CSMD1: variants seen among roughly 807,000 people sequenced by gnomAD.
CSMD1 encodes the protein CUB and Sushi multiple domains 1, also known as CUB and sushi domain-containing protein 1.
Under a neutral mutation model 417.5 loss-of-function variants are expected in CSMD1, and 213 were observed. That is an observed-to-expected ratio of 0.51 (90% CI 0.46 to 0.57). The LOEUF is 0.57. Among genes scored for constraint, CSMD1 ranks in the 20% least tolerant of loss-of-function variants. The pLI is 0.00. For synonymous variants in CSMD1, 2,862 were observed against 1,736.8 expected (o/e 1.65, Z -16.11); for missense variants, 6,923 against 4,529.7 (o/e 1.53, Z -15.17).
chr8:3,058,491 G>A (rs919800446), intron 49 of CSMD1, among the ~76,000 whole-genome samples: 1 of 152,066 alleles, frequency 6.6e-6, no homozygotes, highest in African/African-American at 2.4e-5. Flanking sequence ...CCTTTTTGGT[G>A]CTAATTGCTG....
At chr8:4,006,785 T>C (rs1159839439) in intron 4 of CSMD1, among the ~76,000 whole-genome samples, 2 of 151,786 alleles carry the variant, frequency 1.3e-5, no homozygotes, top group African/African-American at 4.8e-5. Flanking sequence ...TCACCATTCA[T>C]ATTTCTTTTG....
chr8:4,212,310 A>C (rs1800362279), intron 3 of CSMD1, among the ~76,000 whole-genome samples: 1 of 151,936 alleles, frequency 6.6e-6, no homozygotes, highest in African/African-American at 2.4e-5. Context: ...GATACCTACC[A>C]CCCAAATATG....
chr8:3,947,613 A>G (rs1244612557), intron 5 of CSMD1, among the ~76,000 whole-genome samples: 1 of 151,860 alleles, frequency 6.6e-6, no homozygotes, highest in Non-Finnish European at 1.5e-5. Flanking sequence ...TTAGTTTCCA[A>G]ATACGAGGAG....
At chr8:4,758,761 G>C (rs1311763636) in intron 1 of CSMD1, among the ~76,000 whole-genome samples, 1 of 152,114 alleles carries the variant, frequency 6.6e-6, no homozygotes, top group Non-Finnish European at 1.5e-5. Flanking sequence ...ACCAGATCTG[G>C]TGAGAAGTCC....
intron 62 of CSMD1, among the ~76,000 whole-genome samples, chr8:2,958,012 ATCT>A (rs1803143801): frequency 6.6e-6 from 1 of 152,228 alleles, no homozygotes; most frequent in South Asian, 2.1e-4. Context: ...ATAATGTAAG[ATCT>A]TCTCGAATTT....
At chr8:3,982,503 C>T (rs918118219) in intron 5 of CSMD1, among the ~76,000 whole-genome samples, 1 of 151,902 alleles carries the variant, frequency 6.6e-6, no homozygotes, top group African/African-American at 2.4e-5. Flanking sequence ...AAAAATAACG[C>T]ATCATAAATT....
At chr8:4,403,402 T>C (rs1409463424) in intron 3 of CSMD1, among the ~76,000 whole-genome samples, 1 of 152,166 alleles carries the variant, frequency 6.6e-6, no homozygotes, top group Non-Finnish European at 1.5e-5. Context: ...AATTCTCTTT[T>C]GAACCACAGA....
intron 6 of CSMD1, among the ~76,000 whole-genome samples, chr8:3,710,535 T>A (rs1326745195): frequency 6.6e-6 from 1 of 152,150 alleles, no homozygotes; most frequent in Non-Finnish European, 1.5e-5. Flanking sequence ...GGTGGACAAT[T>A]GCCCTTTGGG....
At chr8:4,060,650 G>C (rs1278053429) in intron 3 of CSMD1, among the ~76,000 whole-genome samples, 2 of 152,136 alleles carry the variant, frequency 1.3e-5, no homozygotes, top group Admixed American at 6.5e-5. Flanking sequence ...ATCTGCAAAG[G>C]AGAAGCGGCA....
intron 5 of CSMD1, among the ~76,000 whole-genome samples, chr8:3,987,040 T>G (rs980812186): frequency 6.6e-6 from 1 of 152,150 alleles, no homozygotes; most frequent in Admixed American, 6.5e-5. Flanking sequence ...CAGACGTGAA[T>G]CACCGCATCC....
intron 5 of CSMD1, among the ~76,000 whole-genome samples, chr8:3,837,513 T>C (rs1297206580): frequency 6.6e-6 from 1 of 152,146 alleles, no homozygotes; most frequent in African/African-American, 2.4e-5. Flanking sequence ...ATCCTGAGGA[T>C]GCAGAGACAT....
chr8:3,743,218 T>A (rs1796901457), intron 6 of CSMD1, among the ~76,000 whole-genome samples: 1 of 152,214 alleles, frequency 6.6e-6, no homozygotes, highest in Admixed American at 6.5e-5. Flanking sequence ...TTCTGCCCTT[T>A]TTTTGTGGTT....
At chr8:3,035,747 A>G (rs1317563208) in intron 50 of CSMD1, among the ~76,000 whole-genome samples, 2 of 149,860 alleles carry the variant, frequency 1.3e-5, no homozygotes, top group Non-Finnish European at 2.9e-5. Flanking sequence ...TGCCAGGTCA[A>G]GTTTTGTAAA....
At chr8:4,662,316 C>T (rs1378018081) in intron 1 of CSMD1, among the ~76,000 whole-genome samples, 1 of 152,022 alleles carries the variant, frequency 6.6e-6, no homozygotes, top group Non-Finnish European at 1.5e-5. Flanking sequence ...TAATGAATTA[C>T]TCAGAGGAAA....
chr8:3,917,516 A>G (rs1321587915), intron 5 of CSMD1, among the ~76,000 whole-genome samples: 1 of 152,278 alleles, frequency 6.6e-6, no homozygotes, highest in African/African-American at 2.4e-5. Context: ...AAAAATACAC[A>G]AATAACAACC....
In CSMD1 at chr8:3,808,071, G is replaced by A. The variant is rs958795583; in HGVS notation, c.819-54029C>T. On this transcript the variant is annotated intron_variant, in intron 5 of 69. Transcript: ENST00000635120. ...TACAGAAGTTACAGCAGTGGCTGAAGAAAATGGTTTGATTATAGAAGACCT... is the reference window on the plus strand; with the variant it reads ...TACAGAAGTTACAGCAGTGGCTGAAAAAAATGGTTTGATTATAGAAGACCT... Among the ~76,000 whole-genome samples the A allele has an allele frequency of 1.6e-4, 24 of 152,120 alleles. 1 individual carries two copies. Among genetic ancestry groups the A allele is most frequent in the Non-Finnish European group, 1.3e-4 (9 of 68,016 alleles).
At chr8:4,890,070 A>G (rs1804005827) in intron 1 of CSMD1, among the ~76,000 whole-genome samples, 1 of 152,164 alleles carries the variant, frequency 6.6e-6, no homozygotes, top group African/African-American at 2.4e-5. Context: ...ACTATGTTCA[A>G]TCAGTTTATA....
chr8:4,932,389 A>G (rs533869311), intron 1 of CSMD1, among the ~76,000 whole-genome samples: 1 of 152,230 alleles, frequency 6.6e-6, no homozygotes, highest in East Asian at 1.9e-4. Flanking sequence ...ATATCTACAG[A>G]CAGAGTTTGT....
rs545765662 is a variant in CSMD1 at position 3,765,882 on chromosome 8, G to C, written c.819-11840C>G. ...GAGGAGGATGACAGCACTTGTGAGA[G>C]ATAGGGTATGAGAGTCCATCTCAAA... On this transcript the variant is annotated intron_variant, in intron 5 of 69. Transcript: ENST00000635120. Among the ~76,000 whole-genome samples, 6 of 152,358 alleles carry C rather than the reference G, an allele frequency of 3.9e-5. No homozygotes were observed. The South Asian group carries it at 8.3e-4, about 21-fold the overall frequency.
Sources: allele counts gnomAD v4.1 joint callset (sites outside exome capture counted in the v4.1 genomes callset), GRCh38; gene constraint gnomAD v4.1.1; transcripts MANE v1.5; gene names NCBI Gene and HGNC (gene_info 2026-07-23, HGNC 2026-07-21).